SIAH1: variants seen among roughly 807,000 people sequenced by gnomAD.
The protein encoded by SIAH1 is E3 ubiquitin-protein ligase SIAH1.
In SIAH1, 2 loss-of-function variants were observed where a neutral mutation model predicts 20.0. That is an observed-to-expected ratio of 0.10 (90% CI 0.04 to 0.31). SIAH1 has a LOEUF of 0.31. SIAH1 is among the 10% of genes least tolerant of loss of function. The probability of loss-of-function intolerance (pLI) is 1.00; values close to 1 mark genes in which losing one functional copy is unlikely to be tolerated. For synonymous variants in SIAH1, 118 were observed against 125.3 expected, an observed-to-expected ratio of 0.94 and a Z score of 0.39; for missense variants, 119 against 355.3, an observed-to-expected ratio of 0.33 and a Z score of 5.35.
At chr16:48,366,117 C>T (rs1960832250) in intron 1 of SIAH1, among the ~76,000 whole-genome samples, 1 of 152,120 alleles carries the variant, frequency 6.6e-6, no homozygotes, top group South Asian at 2.1e-4. Context: ...CCCATCCCAC[C>T]CCAGCGACAT....
At chr16:48,385,035 C>T (rs1196867600) in intron 1 of SIAH1, among the ~76,000 whole-genome samples, 169 bp downstream of exon 1, 1 of 148,300 alleles carries the variant, frequency 6.7e-6, no homozygotes, top group Non-Finnish European at 1.5e-5. Context: ...GGGGGCGGCG[C>T]TCGACCGGGC....
Position 48,362,608 on chromosome 16 carries a change from C to T in SIAH1, c.-2-178G>A. On this transcript the variant is annotated intron_variant, in intron 1 of 1. Coordinates refer to ENST00000394725, the MANE Select transcript of SIAH1 (RefSeq NM_003031.4). The surrounding 1 kb of genome is among the most constrained non-coding windows in gnomAD (Gnocchi z 4.2). The stretch of plus-strand genomic sequence containing the variant: ...AAAATAAAATTACACTGAATGTGCA[C>T]TTTATTAGGATCTGTACACTGGATA... 1 of 637,068 alleles carries T rather than the reference C, an allele frequency of 1.6e-6. No homozygotes were observed. Among genetic ancestry groups the T allele is most frequent in the Non-Finnish European group, 2.7e-6 (1 of 367,080 alleles). The allele number at this position is 637,068 out of a possible 1,614,324, so 39.5% of individuals were successfully genotyped here. A position where few individuals can be genotyped will look rare whatever the true frequency, so the allele number is the denominator to read the frequency against.
chr16:48,375,765 A>G (rs1032314789), intron 1 of SIAH1, among the ~76,000 whole-genome samples: 2 of 152,258 alleles, frequency 1.3e-5, no homozygotes, highest in South Asian at 2.1e-4. Flanking sequence ...ATTGATGTAT[A>G]TATTTTCATG....
rs1960635170 is a variant in SIAH1 at position 48,362,544 on chromosome 16, C to CA, written c.-2-115dup. The CA allele has an allele frequency of 2.9e-6, 3 of 1,032,162 alleles. No individual in the cohort carries two copies. The highest frequency in any genetic ancestry group is 5.1e-5 in the East Asian group (2 of 38,854). 63.9% of individuals were successfully genotyped at this position (1,032,162 alleles called of 1,614,324 possible). A position where few individuals can be genotyped will look rare whatever the true frequency, so the allele number is the denominator to read the frequency against. On this transcript the variant is annotated intron_variant, in intron 1 of 1. Transcript: ENST00000394725. The surrounding 1 kb of genome is among the most constrained non-coding windows in gnomAD (Gnocchi z 4.2). ...AAAGTTTCATACAAAATTTACTGAG[C>CA]AAAAGAGGAAGAAAAATAGGATTAA...
intron 1 of SIAH1, among the ~76,000 whole-genome samples, chr16:48,375,925 G>C (rs889596861): frequency 6.6e-6 from 1 of 152,180 alleles, no homozygotes; most frequent in Non-Finnish European, 1.5e-5. Flanking sequence ...TGGGACCACT[G>C]AACTACAGGC....
At chr16:48,386,223 C>A (rs1179651523), upstream of SIAH1, among the ~76,000 whole-genome samples, 1 of 152,168 alleles carries the variant, frequency 6.6e-6, no homozygotes, top group African/African-American at 2.4e-5. Context: ...AAATGGTATT[C>A]CGTCCGGACG....
At chr16:48,378,547 C>G (rs1326043909) in intron 1 of SIAH1, among the ~76,000 whole-genome samples, 2 of 152,166 alleles carry the variant, frequency 1.3e-5, no homozygotes, top group Admixed American at 1.3e-4. Context: ...AAATGTCAAG[C>G]TGTACACATG....
chr16:48,360,896 T>C lies in SIAH1; in HGVS notation c.*684A>G, dbSNP rs1960557824. 2 of 152,226 alleles carry C rather than the reference T, an allele frequency of 1.3e-5. No homozygotes were observed. Among genetic ancestry groups the C allele is most frequent in the Non-Finnish European group, 2.9e-5 (2 of 68,040 alleles). The allele number at this position is 152,226 out of a possible 1,614,324, so 9.4% of individuals were successfully genotyped here. ...TGTCACCTTTACTTTCTGGAACTCA[T>C]GGCTTCACAAAATAGCTGATTTTAA... On this transcript the variant is annotated 3_prime_UTR_variant, in exon 2 of 2. Coordinates refer to ENST00000394725, the MANE Select transcript of SIAH1 (RefSeq NM_003031.4).
chr16:48,370,674 C>A (rs747071486), intron 1 of SIAH1, among the ~76,000 whole-genome samples: 29 of 151,996 alleles, frequency 1.9e-4, no homozygotes, highest in Non-Finnish European at 3.4e-4. Context: ...GGCGCGGTGG[C>A]GGGCGCCTGT....
In SIAH1 at chr16:48,362,387, C is replaced by G. The variant is rs764333936; in HGVS notation, c.42G>C (p.Ser14=). The G allele has an allele frequency of 6.2e-6, 10 of 1,613,994 alleles. No individual in the cohort carries two copies. Among genetic ancestry groups the G allele is most frequent in the South Asian group, 1.1e-5 (1 of 91,080 alleles). The change falls in exon 2 of 2, where the codon TCG becomes TCC. Residue 14 remains serine, a synonymous_variant. Transcript: ENST00000394725. The surrounding 1 kb of genome is among the most constrained non-coding windows in gnomAD (Gnocchi z 4.2). ...GCACCCTCTGGGATGGTGGACACTTCGAGGTACCGGTAGGTAATGCTGTAG... is the reference window on the plus strand; with the variant it reads ...GCACCCTCTGGGATGGTGGACACTTGGAGGTACCGGTAGGTAATGCTGTAG... The part of the protein sequence containing the change: ...QTATALPTGT[S]KCPPSQRVPA...
intron 1 of SIAH1, among the ~76,000 whole-genome samples, chr16:48,373,987 TTTAC>T (rs1567373739): frequency 6.6e-6 from 1 of 152,178 alleles, no homozygotes; most frequent in African/African-American, 2.4e-5. Context: ...CTTTCAAATC[TTTAC>T]TTGTTACATT....
chr16:48,376,293 TCCA>T (rs1961108483), intron 1 of SIAH1, among the ~76,000 whole-genome samples: 1 of 152,164 alleles, frequency 6.6e-6, no homozygotes, highest in Non-Finnish European at 1.5e-5. Context: ...TTATCATATC[TCCA>T]CATTTTCTGT....
chr16:48,382,019 T>TA (rs1961307757), intron 1 of SIAH1, among the ~76,000 whole-genome samples: 1 of 152,144 alleles, frequency 6.6e-6, no homozygotes, highest in South Asian at 2.1e-4. Context: ...AATGCTGCTC[T>TA]AAAAAATAAA....
chr16:48,368,014 A>G (rs1427243208), intron 1 of SIAH1, among the ~76,000 whole-genome samples: 1 of 152,246 alleles, frequency 6.6e-6, no homozygotes, highest in Non-Finnish European at 1.5e-5. Flanking sequence ...GCATTCAGCC[A>G]TTGCTTTACC....
At chr16:48,382,301 C>T (rs906730782) in intron 1 of SIAH1, among the ~76,000 whole-genome samples, 3 of 152,014 alleles carry the variant, frequency 2.0e-5, no homozygotes, top group Non-Finnish European at 2.9e-5. Flanking sequence ...GTGGGGGGAA[C>T]CTTTGAGCCC....
At chr16:48,375,266 C>G (rs74405384) in intron 1 of SIAH1, among the ~76,000 whole-genome samples, 44 of 152,336 alleles carry the variant, frequency 2.9e-4, no homozygotes, top group African/African-American at 1.0e-3. Context: ...CAACAGAATA[C>G]TGTGTGCTGC....
Position 48,361,865 on chromosome 16 carries a change from G to A in SIAH1, c.564C>T (p.His188=), listed in dbSNP as rs183087746. 4.5e-4 allele frequency: 730 copies of A among 1,614,182 alleles called. 9 individuals are homozygous for A. In the South Asian group the frequency reaches 7.1e-3, roughly 16 times the overall value. The change falls in exon 2 of 2, where the codon CAC becomes CAT. Residue 188 remains histidine, a synonymous_variant. Transcript: ENST00000394725. The part of the protein sequence containing the change: ...WVMMQSCFGF[H]FMLVLEKQEK... ...CCTGTTTCTCTAAGACTAACATGAA[G>A]TGAAAGCCAAAACAGGACTGCATCA...
intron 1 of SIAH1, chr16:48,365,786 T>C (rs1691751802): frequency 2.2e-6 from 3 of 1,336,536 alleles, no homozygotes; most frequent in African/African-American, 2.9e-5. Context: ...CCAGATTCAC[T>C]GGGTAGGGTC....
At chr16:48,364,310 G>A (rs555113611) in intron 1 of SIAH1, among the ~76,000 whole-genome samples, 2 of 152,258 alleles carry the variant, frequency 1.3e-5, no homozygotes, top group South Asian at 4.1e-4. Context: ...TCTGTTGCAA[G>A]GAACTTTTAA....
Sources: gnomAD v4.1 joint callset for allele counts (sites outside exome capture counted in the v4.1 genomes callset) on GRCh38, gnomAD v4.1.1 for gene constraint, Gnocchi (gnomAD v3.1) non-coding constraint, MANE v1.5 for transcripts, NCBI Gene and HGNC (gene_info 2026-07-23, HGNC 2026-07-21) for gene names.